The following TMCO4 variants were observed in gnomAD, a reference collection of about 807,000 sequenced individuals.
The protein encoded by TMCO4 is transmembrane and coiled-coil domains 4.
TMCO4 carries 58 observed loss-of-function variants against 64.7 expected under a neutral mutation model. The observed-to-expected ratio is 0.90, with a 90% CI of 0.73 to 1.12. TMCO4 has a LOEUF of 1.12. TMCO4 is among the 50% of genes most tolerant of loss of function. The pLI is 0.00. For synonymous variants in TMCO4, 325 were observed against 346.1 expected, an observed-to-expected ratio of 0.94 and a Z score of 0.68; for missense variants, 780 against 825.9, an observed-to-expected ratio of 0.94 and a Z score of 0.68.
At position 19,739,836 on chromosome 1, in the gene TMCO4, G is replaced by C. The variant is rs765006414; in HGVS notation, c.1167C>G (p.Leu389=). The C allele has an allele frequency of 6.2e-7, 1 of 1,613,550 alleles. No homozygotes were observed. Among genetic ancestry groups the C allele is most frequent in the Non-Finnish European group, 8.5e-7 (1 of 1,179,834 alleles). Residue 389 remains leucine (L), a synonymous_variant, in exon 12 of 16, where the codon CTC becomes CTG. Coordinates refer to ENST00000294543, the MANE Select transcript of TMCO4 (RefSeq NM_181719.7). ...CATTCCCAGGTACCTGCTGCCGGGA[G>C]AGCAGGATGTGGGCCAGGTGCTTGC... ...EVGKHLAHIL[L]SRQQGRRPVT...
chr1:19,712,825 G>A (rs1342031914), intron 13 of TMCO4, among the ~76,000 whole-genome samples: 1 of 152,138 alleles, frequency 6.6e-6, no homozygotes, highest in African/African-American at 2.4e-5. Flanking sequence ...AGAACTCAGT[G>A]GCTTAAAATA....
In TMCO4 at chr1:19,682,779, G is replaced by A. The variant is rs563477489; in HGVS notation, c.*261C>T. On this transcript the variant is annotated 3_prime_UTR_variant, in exon 16 of 16. Transcript: ENST00000294543. ...CTGGGACTCTAACCTGTGCTTGGTT[G>A]ACTCTGCAGGTCTCTGATGAGGGGG... 3.9e-5 allele frequency: 28 copies of A among 718,766 alleles called. No individual in the cohort carries two copies. Among genetic ancestry groups the A allele is most frequent in the Non-Finnish European group, 7.2e-5 (28 of 386,764 alleles). The allele number at this position is 718,766 out of a possible 1,614,324, so 44.5% of individuals were successfully genotyped here. A position where few individuals can be genotyped will look rare whatever the true frequency, so the allele number is the denominator to read the frequency against.
At chr1:19,775,029 T>C (rs2043148066) in intron 4 of TMCO4, among the ~76,000 whole-genome samples, 2 of 152,172 alleles carry the variant, frequency 1.3e-5, no homozygotes, top group South Asian at 4.1e-4. Context: ...TACCCCATCT[T>C]ACACAGGGCG....
intron 6 of TMCO4, among the ~76,000 whole-genome samples, chr1:19,756,506 A>C (rs1056025453): frequency 6.6e-5 from 10 of 152,200 alleles, no homozygotes; most frequent in African/African-American, 1.9e-4. Context: ...TGCAGATGAT[A>C]TTTAGTAAAT....
Position 19,685,235 on chromosome 1 carries a change from A to G in TMCO4, c.1501-1791T>C, listed in dbSNP as rs576448780. Reference sequence around the variant, plus strand: ...CAGTGACTATGTAGGCTGGGGTAGGAGGATGGCTTGAGCCTGGGAGGCTGA... The same window carrying G: ...CAGTGACTATGTAGGCTGGGGTAGGGGGATGGCTTGAGCCTGGGAGGCTGA... On this transcript the variant is annotated intron_variant, in intron 15 of 15. Transcript: ENST00000294543. 8.7e-4 allele frequency among the ~76,000 whole-genome samples: 133 copies of G among 152,320 alleles called. 1 individual carries two copies. Among genetic ancestry groups the G allele is most frequent in the African/African-American group, 1.5e-3 (64 of 41,576 alleles).
At chr1:19,699,369 T>C (rs974321445) in intron 14 of TMCO4, among the ~76,000 whole-genome samples, 1 of 151,856 alleles carries the variant, frequency 6.6e-6, no homozygotes, top group African/African-American at 2.4e-5. Context: ...GTGGGGACAC[T>C]GAATTCAGGG....
chr1:19,712,517 G>A (rs538291856), intron 13 of TMCO4, among the ~76,000 whole-genome samples: 21 of 152,134 alleles, frequency 1.4e-4, no homozygotes, highest in East Asian at 1.9e-4. Context: ...CTACTCGGGA[G>A]GCTGAGGCAG....
intron 6 of TMCO4, among the ~76,000 whole-genome samples, chr1:19,768,627 C>T (rs906597505): frequency 1.3e-5 from 2 of 152,234 alleles, no homozygotes; most frequent in African/African-American, 4.8e-5. Context: ...TTACCGAAGG[C>T]CTCGCCTGCC....
intron 15 of TMCO4, among the ~76,000 whole-genome samples, chr1:19,693,870 G>T (rs1313940497): frequency 2.6e-5 from 4 of 152,192 alleles, no homozygotes; most frequent in African/African-American, 4.8e-5. Context: ...AGTGAGCTGA[G>T]ATGGGGCTGT....
At chr1:19,745,363 G>T in intron 10 of TMCO4, 169 bp downstream of exon 10, 1 of 1,032,060 alleles carries the variant, frequency 9.7e-7, no homozygotes, top group Non-Finnish European at 1.4e-6. Flanking sequence ...TGATGGGCAG[G>T]TGGACAGATG....
Position 19,740,748 on chromosome 1 carries a change from G to A in TMCO4, c.1042+29C>T. The A allele has an allele frequency of 2.5e-6, 4 of 1,591,882 alleles. No homozygotes were observed. The South Asian group carries it at 3.4e-5, about 14-fold the overall frequency. On this transcript the variant is annotated intron_variant, in intron 11 of 15. Transcript: ENST00000294543. Reference sequence around the variant, plus strand: ...TTGGGATGAAGGCAGTGGGCATGCTGTTGTTGGGGGGCAGGTGGGGGCACT... The same window carrying A: ...TTGGGATGAAGGCAGTGGGCATGCTATTGTTGGGGGGCAGGTGGGGGCACT...
At chr1:19,714,017 A>C (rs984677816) in intron 13 of TMCO4, among the ~76,000 whole-genome samples, 1 of 152,156 alleles carries the variant, frequency 6.6e-6, no homozygotes, top group Non-Finnish European at 1.5e-5. Context: ...GCTCACTGCA[A>C]CTTCTACCTC....
intron 12 of TMCO4, among the ~76,000 whole-genome samples, chr1:19,737,791 C>G (rs938051821): frequency 3.9e-4 from 60 of 152,268 alleles, no homozygotes; most frequent in African/African-American, 1.1e-3. Flanking sequence ...AGCAACTTCC[C>G]TTGCACTGAT....
At position 19,789,229 on chromosome 1, in the gene TMCO4, C is replaced by G. The variant is rs796995306; in HGVS notation, c.-100-2112G>C. On this transcript the variant is annotated intron_variant, in intron 2 of 15. Coordinates refer to ENST00000294543, the MANE Select transcript of TMCO4 (RefSeq NM_181719.7). ...CCAGCCTGGCCAACATGGCGAAACCCCATCTCTACTAAAAATACGAAAATT... is the reference window on the plus strand; with the variant it reads ...CCAGCCTGGCCAACATGGCGAAACCGCATCTCTACTAAAAATACGAAAATT... Among the ~76,000 whole-genome samples, 24 of 152,054 alleles carry G rather than the reference C, an allele frequency of 1.6e-4. 2 individuals are homozygous for G. The highest frequency in any genetic ancestry group is 5.8e-4 in the African/African-American group (24 of 41,458).
rs957657938 is a variant in TMCO4 at position 19,682,997 on chromosome 1, G to A, written c.*43C>T. On this transcript the variant is annotated 3_prime_UTR_variant, in exon 16 of 16. Coordinates refer to ENST00000294543, the MANE Select transcript of TMCO4 (RefSeq NM_181719.7). ...GAACCCGAGGGTATAAGAGAGAGCT[G>A]CATATGGAGACTGGGGAAGACGGCT... 8.5e-6 allele frequency: 13 copies of A among 1,528,272 alleles called. 1 individual carries two copies. The highest frequency in any genetic ancestry group is 4.5e-5 in the East Asian group (2 of 44,282). 94.7% of individuals were successfully genotyped at this position (1,528,272 alleles called of 1,614,324 possible). A position where few individuals can be genotyped will look rare whatever the true frequency, so the allele number is the denominator to read the frequency against.
intron 7 of TMCO4, among the ~76,000 whole-genome samples, chr1:19,754,984 T>A (rs1281434485): frequency 6.6e-6 from 1 of 151,962 alleles, no homozygotes; most frequent in Non-Finnish European, 1.5e-5. Flanking sequence ...AGTGGACAGG[T>A]ATCAGAAACG....
chr1:19,697,044 C>A (rs1012837681), intron 14 of TMCO4, among the ~76,000 whole-genome samples: 1 of 152,154 alleles, frequency 6.6e-6, no homozygotes. Context: ...TCAGCATTGG[C>A]GGGAGCATTA....
intron 4 of TMCO4, among the ~76,000 whole-genome samples, chr1:19,779,143 C>T (rs1436622038): frequency 2.0e-5 from 3 of 152,168 alleles, no homozygotes; most frequent in African/African-American, 4.8e-5. Context: ...ATGTGGGGGC[C>T]GTGTCTTGAA....
intron 3 of TMCO4, among the ~76,000 whole-genome samples, chr1:19,782,262 A>G (rs2043527152): frequency 6.6e-6 from 1 of 152,362 alleles, no homozygotes; most frequent in South Asian, 2.1e-4. Flanking sequence ...TGAATCTCAG[A>G]CAAAATGATA....
Sources: allele counts gnomAD v4.1 joint callset (sites outside exome capture counted in the v4.1 genomes callset), GRCh38; gene constraint gnomAD v4.1.1; transcripts MANE v1.5; gene names NCBI Gene and HGNC (gene_info 2026-07-23, HGNC 2026-07-21).